PCID2: variants seen among roughly 807,000 people sequenced by gnomAD.
The protein encoded by PCID2 is PCI domain containing 2, also known as PCI domain-containing protein 2.
A neutral mutation model predicts 61.3 loss-of-function variants in PCID2; 41 were observed. The ratio of observed to expected loss-of-function variants is 0.67; its 90% CI spans 0.52 to 0.87. The LOEUF (loss-of-function observed/expected upper bound fraction) is 0.87. Among genes scored for constraint, PCID2 ranks in the 40% least tolerant of loss-of-function variants. The pLI, the probability that PCID2 is intolerant of heterozygous loss-of-function variation, is 0.00. For synonymous variants in PCID2, 187 were observed against 177.8 expected (o/e 1.05, Z -0.41); for missense variants, 392 against 493.4 (o/e 0.79, Z 1.95).
chr13:113,168,727 G>C, the PCID2 span, among the ~76,000 whole-genome samples: 22 of 152,160 alleles, frequency 1.4e-4, no homozygotes, highest in Non-Finnish European at 2.4e-4. Flanking sequence ...AAAATATTTG[G>C]TCATAATTTT....
At chr13:113,166,285 T>TTGAGG in the PCID2 span, 1 of 152,250 alleles carries the variant, frequency 6.6e-6, no homozygotes, top group Non-Finnish European at 1.5e-5. Context: ...ATAAACATTA[T>TTGAGG]TGAGGTTATT....
At chr13:113,200,696 CTTTT>C (rs998821979) in intron 1 of PCID2, 180 bp from the exon 2 acceptor site, 1,006 of 219,872 alleles carry the variant, frequency 4.6e-3, no homozygotes, top group Middle Eastern at 0.011. Context: ...ACAATAATTT[CTTTT>C]TTTTTTTTTT....
chr13:113,175,898 G>C (rs1292428034), downstream of PCID2, among the ~76,000 whole-genome samples: 1 of 152,190 alleles, frequency 6.6e-6, no homozygotes, highest in Admixed American at 6.5e-5. Flanking sequence ...TACGTGTGGA[G>C]AGAAACAGGG....
intron 13 of PCID2, 107 bp downstream of exon 13, chr13:113,178,859 A>G: frequency 8.8e-7 from 1 of 1,138,894 alleles, no homozygotes. Flanking sequence ...ATCAAAAAAA[A>G]AGCAGAAGGC....
intron 1 of PCID2, chr13:113,208,295 C>G (rs1399203736): frequency 1.3e-5 from 19 of 1,431,766 alleles, no homozygotes; most frequent in Non-Finnish European, 1.7e-5. Context: ...CCTGGGAGCG[C>G]GGCCACACGT....
At chr13:113,190,706 T>C in intron 7 of PCID2, 166 bp downstream of exon 7, 1 of 448,398 alleles carries the variant, frequency 2.2e-6, no homozygotes. Flanking sequence ...TTATTTCCTT[T>C]ACAAAACAAT....
chr13:113,200,498 T>C lies in PCID2; in HGVS notation c.55A>G (p.Ser19Gly). The change falls in exon 2 of 14, where the codon AGC becomes GGC. Residue 19 changes from serine to glycine, a missense_variant. By Grantham distance (56) the Ser-to-Gly change is moderately conservative. Around this residue, in one of 3 missense-constraint regions of PCID2, gnomAD observed 155 missense variants for 164.9 expected, o/e 0.94. Transcript: ENST00000337344. Reference sequence around the variant, plus strand: ...TCTGCACAAGATGCTCCATCTCTGCTGTCGATGGCTTCGTACACCTGAAAC... The same window carrying C: ...TCTGCACAAGATGCTCCATCTCTGCCGTCGATGGCTTCGTACACCTGAAAC... ...YLQQVYEAID[S>G]RDGASCAELV... The C allele has an allele frequency of 6.2e-7, 1 of 1,612,204 alleles. No individual in the cohort carries two copies. The highest frequency in any genetic ancestry group is 8.5e-7 in the Non-Finnish European group (1 of 1,178,222).
chr13:113,183,947 T>TG, intron 9 of PCID2: 1 of 985,356 alleles, frequency 1.0e-6, no homozygotes, highest in South Asian at 4.7e-5. Flanking sequence ...GTCATCTCCA[T>TG]GCGGGATGTG....
In PCID2 at chr13:113,180,045, G is replaced by C; in HGVS notation, c.861-3C>G. On this transcript the variant is annotated splice_polypyrimidine_tract_variant and splice_region_variant and intron_variant, in intron 11 of 13. Coordinates refer to ENST00000337344, the MANE Select transcript of PCID2 (RefSeq NM_001127202.4). ...GCAGCAGCAGCAGGTTGCCCTCGCT[G>C]GTGAGGGGGGAGGCGCGTCAGAAGG... The C allele has an allele frequency of 6.2e-7, 1 of 1,613,964 alleles. No homozygotes were observed. The highest frequency in any genetic ancestry group is 8.5e-7 in the Non-Finnish European group (1 of 1,179,926).
At chr13:113,183,041 A>C (rs541109081) in intron 9 of PCID2, among the ~76,000 whole-genome samples, 6 of 152,322 alleles carry the variant, frequency 3.9e-5, no homozygotes, top group African/African-American at 1.4e-4. Flanking sequence ...CATTTTATCC[A>C]CTTAAATACA....
At chr13:113,190,157 T>C (rs886709246) in intron 7 of PCID2, among the ~76,000 whole-genome samples, 12 of 149,626 alleles carry the variant, frequency 8.0e-5, no homozygotes, top group Non-Finnish European at 1.8e-4. Context: ...AGTTAAAGAA[T>C]GTAAAACATT....
chr13:113,165,892 AC>A, the PCID2 span, among the ~76,000 whole-genome samples: 1 of 152,168 alleles, frequency 6.6e-6, no homozygotes, highest in Non-Finnish European at 1.5e-5. Flanking sequence ...CATATTTAGC[AC>A]AAGTAGTCAG....
Position 113,179,401 on chromosome 13 carries a change from C to T in PCID2, c.987-312G>A, listed in dbSNP as rs369727708. Among the ~76,000 whole-genome samples the T allele has an allele frequency of 3.1e-4, 47 of 152,162 alleles. No individual in the cohort carries two copies. In the South Asian group the frequency reaches 9.7e-3, roughly 32 times the overall value. ...AATGGGCTGTGTCTCACAGACTCAG[C>T]GAAATAGGGTCCCTACTGTTTGTGA... On this transcript the variant is annotated intron_variant, in intron 12 of 13. Transcript: ENST00000337344. The surrounding 1 kb of genome is among the most constrained non-coding windows in gnomAD (Gnocchi z 4.3).
chr13:113,165,688 G>A, the PCID2 span, among the ~76,000 whole-genome samples: 9 of 152,186 alleles, frequency 5.9e-5, no homozygotes, highest in East Asian at 9.7e-4. Context: ...GTGCCACCAC[G>A]CCCGGCTGAT....
intron 9 of PCID2, chr13:113,183,763 G>A (rs1357330613): frequency 1.0e-6 from 1 of 984,804 alleles, no homozygotes; most frequent in Non-Finnish European, 1.2e-6. Flanking sequence ...AAGAAGACTA[G>A]TTTCCTGTTC....
intron 8 of PCID2, among the ~76,000 whole-genome samples, 170 bp from the exon 9 acceptor site, chr13:113,184,657 C>T (rs1267345656): frequency 1.3e-5 from 2 of 152,410 alleles, no homozygotes; most frequent in East Asian, 3.8e-4. Context: ...ATGGCATTCA[C>T]CCTGGGAGGC....
chr13:113,172,407 TTCCTTC>T, the PCID2 span: 77 of 398,478 alleles, frequency 1.9e-4, no homozygotes, highest in East Asian at 2.7e-3. Flanking sequence ...CAGAAATTCT[TTCCTTC>T]TCCAAGTCCA....
the PCID2 span, among the ~76,000 whole-genome samples, chr13:113,169,011 G>T: frequency 6.6e-6 from 1 of 152,174 alleles, no homozygotes; most frequent in Non-Finnish European, 1.5e-5. Context: ...TTATAGGCGT[G>T]AGCCACCATG....
downstream of PCID2, among the ~76,000 whole-genome samples, chr13:113,177,116 G>A (rs138336549): frequency 4.8e-3 from 725 of 152,000 alleles, 3 homozygotes; most frequent in Middle Eastern, 0.024. Context: ...TAAGCTACAC[G>A]AGGTATTTAC....
Sources: gnomAD v4.1 joint callset for allele counts (sites outside exome capture counted in the v4.1 genomes callset) on GRCh38, gnomAD v4.1.1 for gene constraint, gnomAD v4.1.1 regional missense constraint, Gnocchi (gnomAD v3.1) non-coding constraint, MANE v1.5 for transcripts, NCBI Gene and HGNC (gene_info 2026-07-23, HGNC 2026-07-21) for gene names.